TRAPPC12: variants seen among roughly 807,000 people sequenced by gnomAD.
TRAPPC12 encodes trafficking protein particle complex subunit 12, also known as TPR repeat protein 15.
Under a neutral mutation model 69.2 loss-of-function variants are expected in TRAPPC12, and 61 were observed. That is an observed-to-expected ratio of 0.88 (90% CI 0.72 to 1.09). The LOEUF (loss-of-function observed/expected upper bound fraction) is 1.09, where lower values mean the gene tolerates loss of function less well. TRAPPC12 is among the 50% of genes least tolerant of loss of function. TRAPPC12 has a pLI of 0.00. For synonymous variants in TRAPPC12, 469 were observed against 438.9 expected (o/e 1.07, Z -0.86); for missense variants, 1,101 against 1,016.4 (o/e 1.08, Z -1.13).
At chr2:3,412,992 A>G (rs1572118606) in intron 3 of TRAPPC12, among the ~76,000 whole-genome samples, 1 of 152,238 alleles carries the variant, frequency 6.6e-6, no homozygotes, top group South Asian at 2.1e-4. Flanking sequence ...TTGTTCATTT[A>G]TTATACAAAA....
chr2:3,422,503 T>C (rs7581065), intron 4 of TRAPPC12, among the ~76,000 whole-genome samples: 3,661 of 152,350 alleles, frequency 0.024, 193 homozygotes, highest in African/African-American at 0.084. Flanking sequence ...AAGGAACAGC[T>C]GCAAACGTTG....
intron 9 of TRAPPC12, among the ~76,000 whole-genome samples, chr2:3,469,698 T>C (rs958408796): frequency 5.3e-5 from 8 of 152,198 alleles, no homozygotes; most frequent in African/African-American, 1.9e-4. Flanking sequence ...TCACCTTATG[T>C]GCGTGCATCT....
chr2:3,471,087 TA>T (rs1666037990), intron 9 of TRAPPC12, among the ~76,000 whole-genome samples: 1 of 152,216 alleles, frequency 6.6e-6, no homozygotes, highest in African/African-American at 2.4e-5. Flanking sequence ...CACGAGAAGA[TA>T]CACTGGCGAA....
intron 2 of TRAPPC12, 61 bp downstream of exon 2, chr2:3,388,731 A>C (rs981934410): frequency 7.0e-7 from 1 of 1,428,664 alleles, no homozygotes; most frequent in Non-Finnish European, 9.3e-7. Context: ...TGAGATACGC[A>C]CAGTGCCCCT....
intron 10 of TRAPPC12, among the ~76,000 whole-genome samples, chr2:3,478,278 A>C (rs980400245): frequency 4.6e-5 from 7 of 152,258 alleles, no homozygotes; most frequent in African/African-American, 1.7e-4. Flanking sequence ...TAAATAAAGC[A>C]GGTGTCCGCT....
chr2:3,451,006 G>T (rs1664820814), intron 6 of TRAPPC12, among the ~76,000 whole-genome samples: 1 of 152,144 alleles, frequency 6.6e-6, no homozygotes, highest in South Asian at 2.1e-4. Context: ...CCACCTCCTG[G>T]ATAACTGCAT....
chr2:3,412,889 T>A (rs1662142827), intron 3 of TRAPPC12, among the ~76,000 whole-genome samples: 1 of 152,184 alleles, frequency 6.6e-6, no homozygotes, highest in African/African-American at 2.4e-5. Context: ...AGTTGATAAG[T>A]ACAACCTGAA....
chr2:3,419,008 C>T (rs1318138797), intron 3 of TRAPPC12, among the ~76,000 whole-genome samples: 1 of 152,208 alleles, frequency 6.6e-6, no homozygotes, highest in Non-Finnish European at 1.5e-5. Context: ...CTTACTGCAT[C>T]CCCTCGGGCC....
At chr2:3,405,471 A>G (rs1466043441) in intron 3 of TRAPPC12, among the ~76,000 whole-genome samples, 2 of 152,212 alleles carry the variant, frequency 1.3e-5, no homozygotes, top group Non-Finnish European at 2.9e-5. Flanking sequence ...CACCGTGGGA[A>G]TTACGCTTTT....
At chr2:3,389,589 G>A (rs926666602) in intron 2 of TRAPPC12, 2 of 453,304 alleles carry the variant, frequency 4.4e-6, no homozygotes, top group East Asian at 7.1e-5. Context: ...ATCTGCTGCC[G>A]GACTAACGGG....
At chr2:3,397,246 T>G (rs1450702582) in intron 2 of TRAPPC12, among the ~76,000 whole-genome samples, 1 of 152,250 alleles carries the variant, frequency 6.6e-6, no homozygotes, top group Non-Finnish European at 1.5e-5. Context: ...ATGTTTGTTT[T>G]TAGACTTTTT....
At chr2:3,450,949 C>T (rs1664818808) in intron 6 of TRAPPC12, among the ~76,000 whole-genome samples, 1 of 152,208 alleles carries the variant, frequency 6.6e-6, no homozygotes, top group Admixed American at 6.5e-5. Context: ...GCAGACAGCA[C>T]TTTCCACACT....
At chr2:3,438,351 C>A in intron 5 of TRAPPC12, among the ~76,000 whole-genome samples, 1 of 140,276 alleles carries the variant, frequency 7.1e-6, no homozygotes, top group African/African-American at 2.7e-5. Context: ...CCCCCATCAC[C>A]CCTGGATTAA....
At chr2:3,406,514 A>G (rs1661741622) in intron 3 of TRAPPC12, among the ~76,000 whole-genome samples, 1 of 152,240 alleles carries the variant, frequency 6.6e-6, no homozygotes, top group Admixed American at 6.5e-5. Flanking sequence ...TGATTCTGTA[A>G]TTATTTCTAT....
At chr2:3,388,707 C>T in intron 2 of TRAPPC12, 37 bp downstream of exon 2, 1 of 1,491,486 alleles carries the variant, frequency 6.7e-7, no homozygotes, top group Non-Finnish European at 9.0e-7. Context: ...GCCCGTGCCT[C>T]CTCTCTGCGT....
intron 3 of TRAPPC12, among the ~76,000 whole-genome samples, chr2:3,415,249 A>C (rs1662307733): frequency 6.6e-6 from 1 of 152,192 alleles, no homozygotes; most frequent in Admixed American, 6.5e-5. Context: ...CGGTGAATTC[A>C]AGAAATGACG....
At chr2:3,396,788 G>A (rs12987847) in intron 2 of TRAPPC12, among the ~76,000 whole-genome samples, 38,537 of 151,660 alleles carry the variant, frequency 0.25, 5,079 homozygotes, top group East Asian at 0.45. Flanking sequence ...GTTCTTTTTC[G>A]TATCATTTTT....
At chr2:3,391,326 C>T (rs115749976) in intron 2 of TRAPPC12, among the ~76,000 whole-genome samples, 1 of 152,288 alleles carries the variant, frequency 6.6e-6, no homozygotes, top group Non-Finnish European at 1.5e-5. Context: ...CACTCCTGAA[C>T]ACAAATAGGT....
intron 6 of TRAPPC12, among the ~76,000 whole-genome samples, chr2:3,451,051 T>G (rs1325061839): frequency 6.6e-6 from 1 of 152,238 alleles, no homozygotes; most frequent in Non-Finnish European, 1.5e-5. Flanking sequence ...TCTTTAAATA[T>G]GAATAGGTTA....
Sources: allele counts gnomAD v4.1 joint callset (sites outside exome capture counted in the v4.1 genomes callset), GRCh38; gene constraint gnomAD v4.1.1; transcripts MANE v1.5; gene names NCBI Gene and HGNC (gene_info 2026-07-23, HGNC 2026-07-21).